COMMD5: variants seen among roughly 807,000 people sequenced by gnomAD.
The protein encoded by COMMD5 is COMM domain-containing protein 5.
COMMD5 carries 10 observed loss-of-function variants against 6.9 expected under a neutral mutation model. The observed-to-expected ratio is 1.44, with a 90% CI of 0.89 to 2.45. The LOEUF (loss-of-function observed/expected upper bound fraction) is 2.45. COMMD5 is among the 30% of genes most tolerant of loss of function. COMMD5 has a pLI of 0.00. For synonymous variants in COMMD5, 127 were observed against 125.3 expected, an observed-to-expected ratio of 1.01 and a Z score of -0.09; for missense variants, 234 against 287.8, an observed-to-expected ratio of 0.81 and a Z score of 1.35.
intron 1 of COMMD5, chr8:144,841,829 C>T: frequency 6.2e-7 from 1 of 1,614,160 alleles, no homozygotes; most frequent in South Asian, 1.1e-5. Flanking sequence ...GGGAAACATA[C>T]AAATAACTGC....
At chr8:144,842,535 A>G in intron 1 of COMMD5, 1 of 1,614,166 alleles carries the variant, frequency 6.2e-7, no homozygotes, top group African/African-American at 1.3e-5. Flanking sequence ...AGTGTGGCAA[A>G]GGCTTTGTTC....
At position 144,850,582 on chromosome 8, in the gene COMMD5, C is replaced by G; in HGVS notation, c.*82G>C. 2.7e-6 allele frequency: 4 copies of G among 1,461,518 alleles called. No homozygotes were observed. The highest frequency in any genetic ancestry group is 3.7e-6 in the Non-Finnish European group (4 of 1,074,476). 90.5% of individuals were successfully genotyped at this position (1,461,518 alleles called of 1,614,324 possible). A position where few individuals can be genotyped will look rare whatever the true frequency, so the allele number is the denominator to read the frequency against. On this transcript the variant is annotated 3_prime_UTR_variant, in exon 2 of 2. Transcript: ENST00000305103. This position sits in a 1 kb window ranked among gnomAD's most constrained non-coding sequence, Gnocchi z 4.0. ...TGCCTCATGGGAAGGGCAGGGCTGT[C>G]GTGGGAAGAGTCAGCTGCACTTTGG...
In COMMD5 at chr8:144,853,029, C is replaced by G. The variant is rs1234926226; in HGVS notation, c.-248G>C. On this transcript the variant is annotated 5_prime_UTR_variant, in exon 1 of 2. Transcript: ENST00000305103. ...AATCCCCGGCTGATGCAGCCAAAAG[C>G]GGGCCTGGTCCCCGGAAGCGCCCTG... 3 of 152,384 alleles carry G rather than the reference C, an allele frequency of 2.0e-5. No homozygotes were observed. The highest frequency in any genetic ancestry group is 4.4e-5 in the Non-Finnish European group (3 of 68,134). 9.4% of individuals were successfully genotyped at this position (152,384 alleles called of 1,614,324 possible). A position where few individuals can be genotyped will look rare whatever the true frequency, so the allele number is the denominator to read the frequency against.
At chr8:144,842,368 G>A (rs1830049587) in intron 1 of COMMD5, 2 of 1,614,058 alleles carry the variant, frequency 1.2e-6, no homozygotes, top group Non-Finnish European at 8.5e-7. Context: ...GTGTGGGAAA[G>A]CTTTTAGGTG....
chr8:144,851,808 CAAG>C (rs1454458085), intron 1 of COMMD5, among the ~76,000 whole-genome samples: 2 of 152,096 alleles, frequency 1.3e-5, no homozygotes, highest in African/African-American at 2.4e-5. Context: ...CAACAGTGGG[CAAG>C]AAGAATTACC....
At chr8:144,851,913 G>A (rs754621089) in intron 1 of COMMD5, among the ~76,000 whole-genome samples, 1 of 152,076 alleles carries the variant, frequency 6.6e-6, no homozygotes, top group African/African-American at 2.4e-5. Context: ...TGAGGCCAGC[G>A]GATCGCTTGA....
chr8:144,838,129 T>C, downstream of COMMD5: 1 of 702,994 alleles, frequency 1.4e-6, no homozygotes, highest in Non-Finnish European at 2.6e-6. Flanking sequence ...TGGCAGTCCT[T>C]GGGTTCCTTG....
chr8:144,838,153 T>C, downstream of COMMD5: 1 of 702,866 alleles, frequency 1.4e-6, no homozygotes. Context: ...TGTGGATGCG[T>C]CCCTCACTCT....
intron 1 of COMMD5, chr8:144,842,855 G>A: frequency 2.5e-6 from 4 of 1,614,236 alleles, no homozygotes; most frequent in Non-Finnish European, 3.4e-6. Flanking sequence ...CCCTATGAGT[G>A]CAGTGAGTGT....
chr8:144,844,789 C>A (rs1410120612), intron 1 of COMMD5, among the ~76,000 whole-genome samples: 1 of 148,770 alleles, frequency 6.7e-6, no homozygotes, highest in African/African-American at 2.5e-5. Context: ...GGAGAAGAAC[C>A]TGAGAAGGGG....
Position 144,851,314 on chromosome 8 carries a change from G to C in COMMD5, c.25C>G (p.Pro9Ala). MSAVGAAT[P>A]YLHHPGDSHS... ...CTATCACCAGGATGATGCAGGTATG[G>C]AGTTGCAGCCCCCACAGCAGACATT... The change falls in exon 2 of 2, where the codon CCA becomes GCA. Residue 9 changes from proline to alanine, a missense_variant. Transcript: ENST00000305103. 1 of 1,612,196 alleles carries C rather than the reference G, an allele frequency of 6.2e-7. No homozygotes were observed. Among genetic ancestry groups the C allele is most frequent in the Non-Finnish European group, 8.5e-7 (1 of 1,178,616 alleles).
intron 1 of COMMD5, chr8:144,843,051 CCTAATTATA>C: frequency 1.2e-6 from 2 of 1,614,106 alleles, no homozygotes; most frequent in Non-Finnish European, 1.7e-6. Context: ...GGCGTTCACA[CCTAATTATA>C]CACCAGAGAA....
At chr8:144,845,896 G>T (rs1037604108), downstream of COMMD5, 8 of 1,375,976 alleles carry the variant, frequency 5.8e-6, no homozygotes, top group Non-Finnish European at 7.8e-6. Flanking sequence ...CTGCTGAGAA[G>T]GGTCTTGGCA....
chr8:144,844,569 G>A (rs1830386680), intron 1 of COMMD5, among the ~76,000 whole-genome samples: 1 of 152,020 alleles, frequency 6.6e-6, no homozygotes, highest in South Asian at 2.1e-4. Flanking sequence ...AATTAGCCGG[G>A]CGTGGTGGCG....
In COMMD5 at chr8:144,841,542, C is replaced by G. The variant is rs147236224; in HGVS notation, c.*318G>C. The G allele has an allele frequency of 1.0e-3, 1,664 of 1,614,168 alleles. 2 individuals carry two copies. The highest frequency in any genetic ancestry group is 1.3e-3 in the Non-Finnish European group (1,513 of 1,180,038). ...GCAGTCCCGGGCTGAAAGTGACAGGCTTTACCTTCCAAAATAACTGTTTGA... is the reference window on the plus strand; with the variant it reads ...GCAGTCCCGGGCTGAAAGTGACAGGGTTTACCTTCCAAAATAACTGTTTGA... On this transcript the variant is annotated 3_prime_UTR_variant and NMD_transcript_variant, in exon 2 of 2. Transcript: ENST00000530332.
chr8:144,846,993 G>C (rs1735402), downstream of COMMD5: 59,547 of 152,198 alleles, frequency 0.39, 11,767 homozygotes, highest in South Asian at 0.5. Context: ...CCACCATGCC[G>C]AGCTGAGGAG....
chr8:144,843,147 T>A (rs1383829622), intron 1 of COMMD5: 1 of 1,591,358 alleles, frequency 6.3e-7, no homozygotes, highest in Non-Finnish European at 8.5e-7. Flanking sequence ...TTACCCAGCA[T>A]CAAAAAATTC....
At chr8:144,846,704 CTTCTTTTTTT>C (rs1273191489), downstream of COMMD5, 1 of 153,172 alleles carries the variant, frequency 6.5e-6, no homozygotes, top group South Asian at 2.0e-4. Flanking sequence ...GAGGAGGAGT[CTTCTTTTTTT>C]TTGAGACGGA....
rs376229584 is a variant in COMMD5, at chr8:144,842,101, A to C, written c.*117-358T>G. 2.6e-5 allele frequency: 42 copies of C among 1,614,064 alleles called. No homozygotes were observed. The African/African-American group carries it at 5.2e-4, about 20-fold the overall frequency. On this transcript the variant is annotated intron_variant and NMD_transcript_variant, in intron 1 of 1. Transcript: ENST00000530332. ...CCATCAGAGAATCCACACAGGAGAG[A>C]GGCCCTATGGTTGTCGTGAGTGTGG...
Sources: allele counts gnomAD v4.1 joint callset (sites outside exome capture counted in the v4.1 genomes callset), GRCh38; gene constraint gnomAD v4.1.1; non-coding constraint Gnocchi (gnomAD v3.1); transcripts MANE v1.5; gene names NCBI Gene and HGNC (gene_info 2026-07-23, HGNC 2026-07-21).